Variants in KDM2B observed in about 807,000 individuals in gnomAD.
KDM2B encodes the protein lysine-specific demethylase 2B.
KDM2B carries 26 observed loss-of-function variants against 150.0 expected under a neutral mutation model. That is an observed-to-expected ratio of 0.17 (90% CI 0.13 to 0.24). The LOEUF (loss-of-function observed/expected upper bound fraction) is 0.24, where lower values mean the gene tolerates loss of function less well. Among genes scored for constraint, KDM2B ranks in the 10% least tolerant of loss-of-function variants. The pLI is 1.00. For missense variants in KDM2B, 1,265 were observed against 1,816.9 expected (o/e 0.70, Z 5.52); for synonymous variants, 734 against 729.5 (o/e 1.01, Z -0.10).
the KDM2B span, chr12:121,417,838 C>T: frequency 6.2e-7 from 1 of 1,614,180 alleles, no homozygotes; most frequent in Non-Finnish European, 8.5e-7. The surrounding 1 kb of genome is among the most constrained non-coding windows in gnomAD (Gnocchi z 5.0). Flanking sequence ...ACAGCCCCCT[C>T]TGCTACTATG....
intron 22 of KDM2B, among the ~76,000 whole-genome samples, chr12:121,433,836 G>A (rs1455264538): frequency 6.6e-6 from 1 of 152,216 alleles, no homozygotes; most frequent in South Asian, 2.1e-4. Context: ...TTGAACCCAG[G>A]AGTATGATTC....
chr12:121,448,197 G>A (rs1321895919), intron 13 of KDM2B, among the ~76,000 whole-genome samples: 5 of 151,366 alleles, frequency 3.3e-5, no homozygotes, highest in African/African-American at 4.9e-5. Context: ...GTGAATGCCT[G>A]TAGTCCCAGC....
Position 121,444,435 on chromosome 12 carries a change from G to C in KDM2B, c.2190+15C>G. 1 of 1,614,016 alleles carries C rather than the reference G, an allele frequency of 6.2e-7. No homozygotes were observed. The highest frequency in any genetic ancestry group is 8.5e-7 in the Non-Finnish European group (1 of 1,179,930). On this transcript the variant is annotated intron_variant, in intron 15 of 22. Coordinates refer to ENST00000377071, the MANE Select transcript of KDM2B (RefSeq NM_032590.5). ...CTCTCCCGACTGACCCTGGGACTTG[G>C]AGCCCGGCACTCACTTTCCCGGTCT...
rs1882478022 is a variant in KDM2B at position 121,484,156 on chromosome 12, G to A, written c.1734+10423C>T. On this transcript the variant is annotated intron_variant, in intron 12 of 22. Coordinates refer to ENST00000377071, the MANE Select transcript of KDM2B (RefSeq NM_032590.5). ...CCTCTCCTGCAGGTGCTTCCCACAG[G>A]CTGAGCCCAACCAGAGGCCAGAGAG... Among the ~76,000 whole-genome samples, 3 of 152,120 alleles carry A rather than the reference G, an allele frequency of 2.0e-5. No homozygotes were observed. In the South Asian group the frequency reaches 6.2e-4, roughly 31 times the overall value.
At chr12:121,435,470 T>C (rs1015789280) in intron 22 of KDM2B, among the ~76,000 whole-genome samples, 3 of 152,194 alleles carry the variant, frequency 2.0e-5, no homozygotes, top group East Asian at 1.9e-4. Context: ...TCCTCTTGCA[T>C]TGGAAGTGAC....
rs1880121744 is a variant in KDM2B at position 121,467,152 on chromosome 12, G to A, written c.1735-13808C>T. On this transcript the variant is annotated intron_variant, in intron 12 of 22. Transcript: ENST00000377071. The surrounding 1 kb of genome is among the most constrained non-coding windows in gnomAD (Gnocchi z 5.1). ...CCCTCCCTCAGCCCCACCCCGGGCC[G>A]CCGACCTGGTCCGGCTCCGATTCAT... 2.7e-6 allele frequency: 3 copies of A among 1,120,326 alleles called. No individual in the cohort carries two copies. The highest frequency in any genetic ancestry group is 3.8e-5 in the Admixed American group (1 of 26,202). The allele number at this position is 1,120,326 out of a possible 1,614,324, so 69.4% of individuals were successfully genotyped here.
At chr12:121,505,173 C>T (rs1255200340) in intron 11 of KDM2B, among the ~76,000 whole-genome samples, 1 of 148,292 alleles carries the variant, frequency 6.7e-6, no homozygotes, top group East Asian at 2.0e-4. Flanking sequence ...GTAATTCCAG[C>T]TACTCGGGAG....
intron 22 of KDM2B, among the ~76,000 whole-genome samples, chr12:121,438,830 TAAA>T (rs782041300): frequency 3.6e-5 from 5 of 137,732 alleles, no homozygotes; most frequent in Admixed American, 7.2e-5. Flanking sequence ...TTTCTAAGGG[TAAA>T]AAAAAAAAAA....
At chr12:121,506,989 C>T (rs1331086048) in intron 11 of KDM2B, among the ~76,000 whole-genome samples, 2 of 144,120 alleles carry the variant, frequency 1.4e-5, no homozygotes, top group African/African-American at 2.6e-5. Flanking sequence ...CCCAGCTACT[C>T]GGGAGGCTGA....
Position 121,442,195 on chromosome 12 carries a change from C to G in KDM2B, c.3246G>C (p.Leu1082=). 1 of 1,613,652 alleles carries G rather than the reference C, an allele frequency of 6.2e-7. No individual in the cohort carries two copies. Among genetic ancestry groups the G allele is most frequent in the Non-Finnish European group, 8.5e-7 (1 of 1,180,044 alleles). ...TCCTGCAGACCCGCATGCACACACA[C>G]AGGTCTTGGTGGCTGAGGTAGCTGA... ...AVFSYLSHQD[L]CVCMRVCRTW... The change falls in exon 19 of 23, where the codon CTG becomes CTC. Residue 1082 remains leucine (L), a synonymous_variant. Coordinates refer to ENST00000377071, the MANE Select transcript of KDM2B (RefSeq NM_032590.5). The surrounding 1 kb of genome is among the most constrained non-coding windows in gnomAD (Gnocchi z 7.7).
intron 4 of KDM2B, among the ~76,000 whole-genome samples, chr12:121,570,595 C>T (rs1184517578): frequency 6.6e-6 from 1 of 152,164 alleles, no homozygotes; most frequent in Non-Finnish European, 1.5e-5. Context: ...CCAGAGTTGG[C>T]TTCTATAAAA....
chr12:121,522,374 G>A (rs1315055126), intron 8 of KDM2B, among the ~76,000 whole-genome samples: 4 of 151,896 alleles, frequency 2.6e-5, no homozygotes, highest in Admixed American at 6.6e-5. Context: ...AATTAGCCAG[G>A]CGTGTTGGTG....
chr12:121,541,604 C>T (rs551134005), intron 6 of KDM2B, among the ~76,000 whole-genome samples: 1 of 151,638 alleles, frequency 6.6e-6, no homozygotes, highest in East Asian at 1.9e-4. Flanking sequence ...TCTGTTTCCT[C>T]TTCTCTGTGT....
In KDM2B at chr12:121,430,520, C is replaced by G. The variant is rs782491092; in HGVS notation, c.3830-51G>C. The G allele has an allele frequency of 8.6e-6, 12 of 1,402,826 alleles. No homozygotes were observed. The highest frequency in any genetic ancestry group is 4.7e-5 in the South Asian group (4 of 85,850). 86.9% of individuals were successfully genotyped at this position (1,402,826 alleles called of 1,614,324 possible). A position where few individuals can be genotyped will look rare whatever the true frequency, so the allele number is the denominator to read the frequency against. ...GGTGTGAAGGCCAGGAGCCAGAAGC[C>G]CCCCCGCCGCCAGACCCAGGCACTC... On this transcript the variant is annotated intron_variant, in intron 22 of 22. Coordinates refer to ENST00000377071, the MANE Select transcript of KDM2B (RefSeq NM_032590.5). This position sits in a 1 kb window ranked among gnomAD's most constrained non-coding sequence, Gnocchi z 4.4.
Position 121,452,369 on chromosome 12 carries a change from G to A in KDM2B, c.1959+751C>T, listed in dbSNP as rs183723326. ...GAGGTGTCTGGGCCTGCGGGGCATCGACAGCCAAGGAGGAAGGGCTCACCC... is the reference window on the plus strand; with the variant it reads ...GAGGTGTCTGGGCCTGCGGGGCATCAACAGCCAAGGAGGAAGGGCTCACCC... On this transcript the variant is annotated intron_variant, in intron 13 of 22. Transcript: ENST00000377071. The surrounding 1 kb of genome is among the most constrained non-coding windows in gnomAD (Gnocchi z 4.4). 9.4e-4 allele frequency among the ~76,000 whole-genome samples: 143 copies of A among 152,314 alleles called. No individual in the cohort carries two copies. Among genetic ancestry groups the A allele is most frequent in the Middle Eastern group, 3.4e-3 (1 of 294 alleles).
chr12:121,538,970 C>G (rs1400229547), intron 6 of KDM2B, among the ~76,000 whole-genome samples: 1 of 152,038 alleles, frequency 6.6e-6, no homozygotes, highest in Non-Finnish European at 1.5e-5. Flanking sequence ...CCAGAGTCCC[C>G]GCCCTCCTCC....
chr12:121,432,643 A>AG (rs1326544813), intron 22 of KDM2B, among the ~76,000 whole-genome samples: 1 of 152,162 alleles, frequency 6.6e-6, no homozygotes, highest in African/African-American at 2.4e-5. Flanking sequence ...GATATCCCAG[A>AG]GGCTTGCTTA....
At chr12:121,580,239 T>C in intron 1 of KDM2B, 2 of 1,043,010 alleles carry the variant, frequency 1.9e-6, no homozygotes, top group Non-Finnish European at 1.2e-6. Flanking sequence ...TAGGAAACCA[T>C]TTTCAGCAGT....
At chr12:121,548,583 G>T (rs1555311145) in intron 6 of KDM2B, among the ~76,000 whole-genome samples, 1 of 152,212 alleles carries the variant, frequency 6.6e-6, no homozygotes, top group Non-Finnish European at 1.5e-5. Flanking sequence ...CTTGCGTACA[G>T]ACACACACAC....
Sources: allele counts gnomAD v4.1 joint callset (sites outside exome capture counted in the v4.1 genomes callset), GRCh38; gene constraint gnomAD v4.1.1; non-coding constraint Gnocchi (gnomAD v3.1); transcripts MANE v1.5; gene names NCBI Gene and HGNC (gene_info 2026-07-23, HGNC 2026-07-21).